AIG1: variants seen among roughly 807,000 people sequenced by gnomAD.
The protein encoded by AIG1 is androgen induced 1, also known as androgen-induced gene 1 protein.
In AIG1, 23 loss-of-function variants were observed where a neutral mutation model predicts 31.4. The observed-to-expected ratio is 0.73, with a 90% CI of 0.53 to 1.04. AIG1 has a LOEUF of 1.04. Ranked by LOEUF, AIG1 falls within the 50% of genes least tolerant of loss-of-function variation. AIG1 has a pLI of 0.00. For missense variants in AIG1, 274 were observed against 295.0 expected, an observed-to-expected ratio of 0.93 and a Z score of 0.52; for synonymous variants, 100 against 110.5, an observed-to-expected ratio of 0.90 and a Z score of 0.60.
chr6:143,191,454 C>G (rs1170794742), intron 3 of AIG1, among the ~76,000 whole-genome samples: 1 of 151,964 alleles, frequency 6.6e-6, no homozygotes, highest in African/African-American at 2.4e-5. Context: ...TTATATAACT[C>G]AATTTCCTAC....
chr6:143,060,472 T>C (rs1776119458), upstream of AIG1: 2 of 248,994 alleles, frequency 8.0e-6, no homozygotes, highest in Non-Finnish European at 1.8e-5. Flanking sequence ...CAGTCTAGGT[T>C]CCCCGCCCCC....
intron 2 of AIG1, among the ~76,000 whole-genome samples, chr6:143,163,150 G>C (rs1227191399): frequency 6.6e-6 from 1 of 152,190 alleles, no homozygotes. Context: ...TCATGGGGCG[G>C]GGTAGTACTG....
At chr6:143,088,501 A>G (rs1779005595) in intron 1 of AIG1, among the ~76,000 whole-genome samples, 2 of 152,234 alleles carry the variant, frequency 1.3e-5, no homozygotes, top group Admixed American at 6.5e-5. Context: ...TGAGGGCAGG[A>G]TGTAGAGATC....
chr6:143,321,292 T>A lies in AIG1; in HGVS notation c.516-11990T>A, dbSNP rs569621166. On this transcript the variant is annotated intron_variant, in intron 4 of 5. Coordinates refer to ENST00000357847, the MANE Select transcript of AIG1 (RefSeq NM_016108.4). Reference sequence around the variant, plus strand: ...TGTATACCTTCTTGTATATAAATCATACTTCAATTTTTAAAAAATGAATTA... The same window carrying A: ...TGTATACCTTCTTGTATATAAATCAAACTTCAATTTTTAAAAAATGAATTA... Among the ~76,000 whole-genome samples, 29 of 152,164 alleles carry A rather than the reference T, an allele frequency of 1.9e-4. No individual in the cohort carries two copies. The South Asian group carries it at 6.0e-3, about 32-fold the overall frequency.
At chr6:143,065,405 C>G (rs1290071612) in intron 1 of AIG1, among the ~76,000 whole-genome samples, 1 of 152,174 alleles carries the variant, frequency 6.6e-6, no homozygotes, top group Non-Finnish European at 1.5e-5. Flanking sequence ...AAAATTTAAA[C>G]TAGCTGTTAC....
chr6:143,341,575 C>T (rs376736231), downstream of AIG1, among the ~76,000 whole-genome samples: 87 of 152,244 alleles, frequency 5.7e-4, no homozygotes, highest in African/African-American at 2.0e-3. Flanking sequence ...TGTACATACA[C>T]AGAGGAAAGA....
At chr6:143,139,402 G>T (rs965542032) in intron 2 of AIG1, among the ~76,000 whole-genome samples, 1 of 151,616 alleles carries the variant, frequency 6.6e-6, no homozygotes, top group Non-Finnish European at 1.5e-5. Flanking sequence ...TCATCACTGC[G>T]CCAGGGCCTC....
chr6:143,127,638 A>C (rs1290073950), intron 1 of AIG1, among the ~76,000 whole-genome samples: 1 of 151,976 alleles, frequency 6.6e-6, no homozygotes, highest in Non-Finnish European at 1.5e-5. Context: ...GAAATGTACA[A>C]ATTAGCAACT....
At chr6:143,095,469 A>G (rs1054585869) in intron 1 of AIG1, among the ~76,000 whole-genome samples, 1 of 152,188 alleles carries the variant, frequency 6.6e-6, no homozygotes. Context: ...TGCAAGAAAA[A>G]CCAAATAAAA....
chr6:143,233,462 T>C (rs1793592960), intron 3 of AIG1, among the ~76,000 whole-genome samples: 1 of 151,448 alleles, frequency 6.6e-6, no homozygotes, highest in Non-Finnish European at 1.5e-5. Context: ...CATAGACAAG[T>C]TAAATTTAAC....
rs1351598126 is a variant in AIG1, at chr6:143,329,804, G to A, written c.516-3478G>A. ...AATTACATCTAATTCAAATTTCAGT[G>A]TCTATAAATAAAGTTTTATTGGAAC... On this transcript the variant is annotated intron_variant, in intron 4 of 5. Coordinates refer to ENST00000357847, the MANE Select transcript of AIG1 (RefSeq NM_016108.4). This position sits in a 1 kb window ranked among gnomAD's most constrained non-coding sequence, Gnocchi z 4.9. Among the ~76,000 whole-genome samples, 1 of 152,136 alleles carries A rather than the reference G, an allele frequency of 6.6e-6. No individual in the cohort carries two copies. Among genetic ancestry groups the A allele is most frequent in the Non-Finnish European group, 1.5e-5 (1 of 68,028 alleles).
intron 1 of AIG1, among the ~76,000 whole-genome samples, chr6:143,103,214 G>T (rs935462307): frequency 2.0e-5 from 3 of 152,188 alleles, no homozygotes; most frequent in South Asian, 2.1e-4. Context: ...TGTAATGGGG[G>T]TGTCAGGCCC....
At chr6:143,198,441 G>A (rs1790432407) in intron 3 of AIG1, among the ~76,000 whole-genome samples, 1 of 152,228 alleles carries the variant, frequency 6.6e-6, no homozygotes, top group Non-Finnish European at 1.5e-5. Flanking sequence ...TATCTGTGGT[G>A]TTGGGAATAG....
chr6:143,275,359 T>G (rs1796820197), intron 3 of AIG1, among the ~76,000 whole-genome samples: 3 of 152,146 alleles, frequency 2.0e-5, no homozygotes, highest in Admixed American at 6.5e-5. Flanking sequence ...CAGCTTAATC[T>G]TTCTACTATT....
chr6:143,156,480 C>T (rs184424701), intron 2 of AIG1, among the ~76,000 whole-genome samples: 1 of 152,200 alleles, frequency 6.6e-6, no homozygotes, highest in Non-Finnish European at 1.5e-5. Flanking sequence ...CAATAAAGAT[C>T]TTTGCAGGTG....
At chr6:143,191,366 A>ATTT (rs2128597391) in intron 3 of AIG1, among the ~76,000 whole-genome samples, 1 of 152,290 alleles carries the variant, frequency 6.6e-6, no homozygotes, top group Admixed American at 6.5e-5. Flanking sequence ...GAGTTAAATG[A>ATTT]TCTGTAACTA....
chr6:143,315,469 T>C (rs761041937), intron 4 of AIG1, among the ~76,000 whole-genome samples: 1 of 152,032 alleles, frequency 6.6e-6, no homozygotes, highest in African/African-American at 2.4e-5. Context: ...GGAAAAAGAA[T>C]AGACACATAG....
chr6:143,333,372 T>C lies in AIG1; in HGVS notation c.606T>C (p.Ser202=), dbSNP rs770119974. The C allele has an allele frequency of 5.6e-6, 9 of 1,613,956 alleles. No individual in the cohort carries two copies. The highest frequency in any genetic ancestry group is 7.6e-6 in the Non-Finnish European group (9 of 1,179,974). Reference sequence around the variant, plus strand: ...GAGCCAGAATCATCTTCTTTGGGTCTACAACCATCTTAATGAACTTCCTGT... The same window carrying C: ...GAGCCAGAATCATCTTCTTTGGGTCCACAACCATCTTAATGAACTTCCTGT... ...GPGARIIFFG[S]TTILMNFLYL... Residue 202 remains serine, a synonymous_variant, in exon 5 of 6, where the codon TCT becomes TCC. Transcript: ENST00000357847. The surrounding 1 kb of genome is among the most constrained non-coding windows in gnomAD (Gnocchi z 4.6).
At chr6:143,209,881 G>A (rs1015986829) in intron 3 of AIG1, among the ~76,000 whole-genome samples, 3 of 152,108 alleles carry the variant, frequency 2.0e-5, no homozygotes, top group Non-Finnish European at 2.9e-5. Flanking sequence ...ACTCAAGAAC[G>A]TCTCTTCTAG....
Sources: gnomAD v4.1 joint callset for allele counts (sites outside exome capture counted in the v4.1 genomes callset) on GRCh38, gnomAD v4.1.1 for gene constraint, Gnocchi (gnomAD v3.1) non-coding constraint, MANE v1.5 for transcripts, NCBI Gene and HGNC (gene_info 2026-07-23, HGNC 2026-07-21) for gene names.